Variants in AP3B1 observed in about 807,000 individuals in gnomAD.
The protein encoded by AP3B1 is AP-3 complex subunit beta-1.
AP3B1 carries 61 observed loss-of-function variants against 132.5 expected under a neutral mutation model. That is an observed-to-expected ratio of 0.46 (90% CI 0.37 to 0.57). AP3B1 has a LOEUF of 0.57. AP3B1 is among the 20% of genes least tolerant of loss of function. The pLI, the probability that AP3B1 is intolerant of heterozygous loss-of-function variation, is 0.00. For synonymous variants in AP3B1, 388 were observed against 438.3 expected, an observed-to-expected ratio of 0.89 and a Z score of 1.43; for missense variants, 1,120 against 1,289.4, an observed-to-expected ratio of 0.87 and a Z score of 2.01.
intron 22 of AP3B1, chr5:78,089,080 C>T (rs1184612661): frequency 1.5e-5 from 3 of 193,588 alleles, no homozygotes; most frequent in African/African-American, 7.1e-5. Context: ...ATGTAGACAA[C>T]TTTTTGTGGC....
intron 23 of AP3B1, among the ~76,000 whole-genome samples, chr5:78,037,321 A>C (rs1026283488): frequency 1.3e-4 from 20 of 152,146 alleles, no homozygotes; most frequent in African/African-American, 4.8e-4. Context: ...CTAGGTAAAA[A>C]AGGTTGAATT....
At chr5:78,003,443 T>C in intron 26 of AP3B1, 1 of 760,060 alleles carries the variant, frequency 1.3e-6, no homozygotes, top group Non-Finnish European at 1.6e-6. Context: ...TTTTAAAACA[T>C]GTTAAGAAAA....
chr5:78,086,212 G>A (rs1750243639), intron 22 of AP3B1, among the ~76,000 whole-genome samples: 1 of 152,042 alleles, frequency 6.6e-6, no homozygotes, highest in Admixed American at 6.6e-5. Context: ...TAATTTTCAT[G>A]TTTCAGCATA....
Position 78,129,196 on chromosome 5 carries a change from C to T in AP3B1, c.1762G>A (p.Gly588Arg), listed in dbSNP as rs760206626. Residue 588 changes from glycine to arginine, a missense_variant, in exon 16 of 27, where the codon GGA (glycine) becomes AGA (arginine). This residue lies in a region of AP3B1 where 906 missense variants were observed against 997.1 expected (regional missense o/e 0.91). Transcript: ENST00000255194. Reference protein sequence around the residue: ...RQLIVPNVKSGALSKYAKKIF... With the variant: ...RQLIVPNVKSRALSKYAKKIF... Reference sequence around the variant, plus strand: ...TTTTTGGCATATTTACTTAAAGCTCCACTCTTTACATTCGGAACAATAAGC... The same window carrying T: ...TTTTTGGCATATTTACTTAAAGCTCTACTCTTTACATTCGGAACAATAAGC... 1.2e-6 allele frequency: 2 copies of T among 1,613,190 alleles called. No homozygotes were observed. The highest frequency in any genetic ancestry group is 2.2e-5 in the East Asian group (1 of 44,830).
chr5:78,177,626 A>C (rs1360585711), intron 8 of AP3B1, among the ~76,000 whole-genome samples, 190 bp from the exon 9 acceptor site: 2 of 152,126 alleles, frequency 1.3e-5, no homozygotes, highest in African/African-American at 4.8e-5. Context: ...TCAGAATCTG[A>C]TCTTATTTGG....
At chr5:78,224,042 T>C (rs1746298692) in intron 6 of AP3B1, among the ~76,000 whole-genome samples, 1 of 152,142 alleles carries the variant, frequency 6.6e-6, no homozygotes, top group South Asian at 2.1e-4. Context: ...AGCCAATCTC[T>C]TGCACTTATA....
chr5:78,071,058 G>A (rs1749518840), intron 22 of AP3B1, among the ~76,000 whole-genome samples: 1 of 152,164 alleles, frequency 6.6e-6, no homozygotes, highest in Non-Finnish European at 1.5e-5. Flanking sequence ...CCATTACTGG[G>A]TATATACCCA....
At chr5:78,150,914 T>G (rs952016164) in intron 14 of AP3B1, among the ~76,000 whole-genome samples, 4 of 152,128 alleles carry the variant, frequency 2.6e-5, no homozygotes, top group Non-Finnish European at 4.4e-5. Flanking sequence ...TTTTATTTTT[T>G]ATTTTTATTT....
rs183164909 is a variant in AP3B1 at position 78,183,936 on chromosome 5, G to A, written c.787-2274C>T. 3.5e-4 allele frequency among the ~76,000 whole-genome samples: 53 copies of A among 150,090 alleles called. No individual in the cohort carries two copies. The East Asian group carries it at 8.0e-3, about 23-fold the overall frequency. On this transcript the variant is annotated intron_variant, in intron 7 of 26. Transcript: ENST00000255194. ...TGTAATCCCAGCATTTTGGGAAGCC[G>A]AGGTGGGTGGATCACGAGATCAGGA...
At chr5:78,211,266 G>A (rs544656351) in intron 7 of AP3B1, among the ~76,000 whole-genome samples, 1 of 152,222 alleles carries the variant, frequency 6.6e-6, no homozygotes, top group East Asian at 1.9e-4. Flanking sequence ...TGTATAATCA[G>A]CTTTGACTTG....
intron 11 of AP3B1, among the ~76,000 whole-genome samples, chr5:78,173,574 C>CA (rs1554072891): frequency 1.3e-5 from 2 of 150,680 alleles, no homozygotes; most frequent in Non-Finnish European, 3.0e-5. Flanking sequence ...GCAACTCCTG[C>CA]TTTTTTTTTG....
At chr5:78,029,479 A>G (rs1028958473) in intron 24 of AP3B1, among the ~76,000 whole-genome samples, 12 of 151,864 alleles carry the variant, frequency 7.9e-5, no homozygotes, top group African/African-American at 1.9e-4. Context: ...TCTCATAAAT[A>G]GCATATGTTA....
At chr5:78,244,284 A>G (rs2112524343) in intron 2 of AP3B1, among the ~76,000 whole-genome samples, 1 of 152,134 alleles carries the variant, frequency 6.6e-6, no homozygotes, top group South Asian at 2.1e-4. Flanking sequence ...ATGGTGGCAG[A>G]TGCCTGTAAT....
intron 15 of AP3B1, among the ~76,000 whole-genome samples, chr5:78,140,142 G>A (rs1209141805): frequency 3.9e-5 from 6 of 152,082 alleles, no homozygotes; most frequent in African/African-American, 1.4e-4. Flanking sequence ...TCCCTATTTC[G>A]TACATGGAAG....
At chr5:78,259,843 G>A (rs1292636408) in intron 2 of AP3B1, among the ~76,000 whole-genome samples, 9 of 152,090 alleles carry the variant, frequency 5.9e-5, no homozygotes, top group African/African-American at 1.4e-4. Flanking sequence ...GGTGGTGGGC[G>A]CCTGTAATCC....
chr5:78,163,758 G>A (rs1743496789), intron 12 of AP3B1, among the ~76,000 whole-genome samples: 1 of 151,012 alleles, frequency 6.6e-6, no homozygotes, highest in African/African-American at 2.4e-5. Flanking sequence ...TTTTATAATG[G>A]CCCTAGAGAA....
At chr5:78,233,403 T>G (rs534451619) in intron 3 of AP3B1, among the ~76,000 whole-genome samples, 1 of 151,236 alleles carries the variant, frequency 6.6e-6, no homozygotes, top group East Asian at 2.0e-4. Flanking sequence ...CCAGCTAATT[T>G]TTCTATTTTT....
chr5:78,269,928 T>G (rs1748480451), intron 1 of AP3B1, among the ~76,000 whole-genome samples: 1 of 152,210 alleles, frequency 6.6e-6, no homozygotes, highest in Non-Finnish European at 1.5e-5. Context: ...TTGTTCTTTC[T>G]TTTGAGACAG....
At chr5:78,077,123 C>G (rs894828673) in intron 22 of AP3B1, among the ~76,000 whole-genome samples, 2 of 152,058 alleles carry the variant, frequency 1.3e-5, no homozygotes, top group South Asian at 4.2e-4. Flanking sequence ...ACAAATTAGG[C>G]CTTTTTGTTT....
Sources: allele counts gnomAD v4.1 joint callset (sites outside exome capture counted in the v4.1 genomes callset), GRCh38; gene constraint gnomAD v4.1.1; regional missense constraint gnomAD v4.1.1; transcripts MANE v1.5; gene names NCBI Gene and HGNC (gene_info 2026-07-23, HGNC 2026-07-21).